CELSR1: variants seen among roughly 807,000 people sequenced by gnomAD.
The protein encoded by CELSR1 is cadherin EGF LAG seven-pass G-type receptor 1.
Under a neutral mutation model 249.1 loss-of-function variants are expected in CELSR1, and 110 were observed. The observed-to-expected ratio is 0.44, with a 90% CI of 0.38 to 0.52. The LOEUF is 0.52. Ranked by LOEUF, CELSR1 falls within the 20% of genes least tolerant of loss-of-function variation. The pLI is 0.00. For synonymous variants in CELSR1, 2,113 were observed against 1,900.0 expected, an observed-to-expected ratio of 1.11 and a Z score of -2.92; for missense variants, 4,109 against 4,296.4, an observed-to-expected ratio of 0.96 and a Z score of 1.22.
At chr22:46,491,042 T>C (rs1436403047) in intron 1 of CELSR1, among the ~76,000 whole-genome samples, 1 of 151,864 alleles carries the variant, frequency 6.6e-6, no homozygotes, top group African/African-American at 2.4e-5. Context: ...CCCCCCAACA[T>C]CCATGCTCGC....
chr22:46,389,626 A>G, intron 17 of CELSR1, 127 bp from the exon 18 acceptor site: 1 of 1,070,612 alleles, frequency 9.3e-7, no homozygotes, highest in African/African-American at 1.6e-5. Context: ...TAAAAAATCC[A>G]AAAGCCTGGC....
chr22:46,456,616 T>C (rs1386388970), intron 2 of CELSR1, among the ~76,000 whole-genome samples: 1 of 141,056 alleles, frequency 7.1e-6, no homozygotes, highest in Non-Finnish European at 1.5e-5. Context: ...TGAGCCGAGA[T>C]TGTGCCGCTG....
intron 11 of CELSR1, 41 bp from the exon 12 acceptor site, chr22:46,397,889 A>G: frequency 6.8e-7 from 1 of 1,472,308 alleles, no homozygotes; most frequent in South Asian, 1.5e-5. Flanking sequence ...GGAGCCCGGA[A>G]AGGTATGTAG....
rs1478987281 is a variant in CELSR1, at chr22:46,454,800, C to T, written c.4183+8907G>A. 2.6e-5 allele frequency among the ~76,000 whole-genome samples: 4 copies of T among 152,234 alleles called. No homozygotes were observed. Among genetic ancestry groups the T allele is most frequent in the African/African-American group, 4.8e-5 (2 of 41,470 alleles). On this transcript the variant is annotated intron_variant, in intron 2 of 34. Coordinates refer to ENST00000674500, the MANE Select transcript of CELSR1 (RefSeq NM_001378328.1). The surrounding 1 kb of genome is among the most constrained non-coding windows in gnomAD (Gnocchi z 5.1). ...ACGCGACAGGCAGGCCAGTGAGAAG[C>T]GCCAACAGCCCTGGTTCCCAAACTC...
In CELSR1 at chr22:46,364,617, G is replaced by A. The variant is rs1384779175; in HGVS notation, c.8674C>T (p.Leu2892=). ...TGACTGCCCTGCTCCTCGCGGTGCAGCTCCACGCTGACCTTGGTCTCCACC... is the reference window on the plus strand; with the variant it reads ...TGACTGCCCTGCTCCTCGCGGTGCAACTCCACGCTGACCTTGGTCTCCACC... The part of the protein sequence containing the change: ...LKVETKVSVE[L]HREEQGSHRG... The change falls in exon 33 of 35, where the codon CTG becomes TTG. Residue 2892 remains leucine, a synonymous_variant. Transcript: ENST00000674500. 6.2e-7 allele frequency: 1 copy of A among 1,612,698 alleles called. No individual in the cohort carries two copies. The highest frequency in any genetic ancestry group is 2.2e-5 in the East Asian group (1 of 44,874).
In CELSR1 at chr22:46,423,839, G is replaced by C. The variant is rs1172425575; in HGVS notation, c.4611+9554C>G. 6.6e-6 allele frequency among the ~76,000 whole-genome samples: 1 copy of C among 151,924 alleles called. No homozygotes were observed. Among genetic ancestry groups the C allele is most frequent in the Non-Finnish European group, 1.5e-5 (1 of 67,992 alleles). On this transcript the variant is annotated intron_variant, in intron 5 of 34. Coordinates refer to ENST00000674500, the MANE Select transcript of CELSR1 (RefSeq NM_001378328.1). The surrounding 1 kb of genome is among the most constrained non-coding windows in gnomAD (Gnocchi z 5.6). ...ATACCAAAATTAGCCAGGCGTGGTGGTGGTGCGCACCTGTAATCCCAGCTA... is the reference window on the plus strand; with the variant it reads ...ATACCAAAATTAGCCAGGCGTGGTGCTGGTGCGCACCTGTAATCCCAGCTA...
chr22:46,502,177 C>T (rs905290231), intron 1 of CELSR1, among the ~76,000 whole-genome samples: 49 of 150,686 alleles, frequency 3.3e-4, no homozygotes, highest in African/African-American at 1.1e-3. Flanking sequence ...GTGGGAGGAT[C>T]ACTTGAGCCC....
At position 46,363,073 on chromosome 22, in the gene CELSR1, TG is replaced by T. The variant is rs2147146897; in HGVS notation, c.*149del. ...ATGATCAGTCGGGGGGCTGCCACCA[TG>T]GGGACCGCCACACTCTGGGCCCACT... On this transcript the variant is annotated 3_prime_UTR_variant, in exon 35 of 35. Transcript: ENST00000674500. The surrounding 1 kb of genome is among the most constrained non-coding windows in gnomAD (Gnocchi z 4.3). 7 of 1,528,108 alleles carry T rather than the reference TG, an allele frequency of 4.6e-6. No homozygotes were observed. The East Asian group carries it at 1.6e-4, about 35-fold the overall frequency. 94.7% of individuals were successfully genotyped at this position (1,528,108 alleles called of 1,614,324 possible). A position where few individuals can be genotyped will look rare whatever the true frequency, so the allele number is the denominator to read the frequency against.
In CELSR1 at chr22:46,454,118, T is replaced by C. The variant is rs1009612927; in HGVS notation, c.4183+9589A>G. Among the ~76,000 whole-genome samples, 1 of 152,018 alleles carries C rather than the reference T, an allele frequency of 6.6e-6. No individual in the cohort carries two copies. The highest frequency in any genetic ancestry group is 2.4e-5 in the African/African-American group (1 of 41,388). The stretch of plus-strand genomic sequence containing the variant: ...TGGGAGGGTGAGGGGCAGAAGGTGC[T>C]AGTGGTGGAAGCAGGGGTCGGAGTG... On this transcript the variant is annotated intron_variant, in intron 2 of 34. Coordinates refer to ENST00000674500, the MANE Select transcript of CELSR1 (RefSeq NM_001378328.1). The surrounding 1 kb of genome is among the most constrained non-coding windows in gnomAD (Gnocchi z 5.1).
Position 46,411,877 on chromosome 22 carries a change from A to T in CELSR1, c.4612-118T>A, listed in dbSNP as rs1428576485. Reference sequence around the variant, plus strand: ...GCACAGGGTGGGCGGCACGTAGACAAGGGATGAGGAGCCCCCGGCCTTTAG... The same window carrying T: ...GCACAGGGTGGGCGGCACGTAGACATGGGATGAGGAGCCCCCGGCCTTTAG... On this transcript the variant is annotated intron_variant, in intron 5 of 34. Coordinates refer to ENST00000674500, the MANE Select transcript of CELSR1 (RefSeq NM_001378328.1). This position sits in a 1 kb window ranked among gnomAD's most constrained non-coding sequence, Gnocchi z 4.2. 7.8e-7 allele frequency: 1 copy of T among 1,283,386 alleles called. No individual in the cohort carries two copies. Among genetic ancestry groups the T allele is most frequent in the East Asian group, 2.3e-5 (1 of 43,174 alleles). 79.5% of individuals were successfully genotyped at this position (1,283,386 alleles called of 1,614,324 possible).
chr22:46,403,971 C>CAAA (rs756055741), intron 9 of CELSR1, among the ~76,000 whole-genome samples: 4 of 48,374 alleles, frequency 8.3e-5, no homozygotes, highest in South Asian at 7.1e-4. Flanking sequence ...AACTCCGTCT[C>CAAA]AAAAAAAAAA....
intron 1 of CELSR1, among the ~76,000 whole-genome samples, chr22:46,465,507 C>G (rs2080086926): frequency 6.6e-6 from 1 of 152,210 alleles, no homozygotes; most frequent in Non-Finnish European, 1.5e-5. Flanking sequence ...GAGGAAGTGT[C>G]TGGGCCTTTG....
Position 46,439,366 on chromosome 22 carries a change from C to T in CELSR1, c.4229G>A (p.Gly1410Glu). The T allele has an allele frequency of 6.2e-7, 1 of 1,613,958 alleles. No homozygotes were observed. The highest frequency in any genetic ancestry group is 8.5e-7 in the Non-Finnish European group (1 of 1,179,978). The change falls in exon 3 of 35, where the codon GGG (glycine) becomes GAG (glutamate). Residue 1410 changes from glycine to glutamate, a missense_variant. Around this residue, in one of 7 missense-constraint regions of CELSR1, gnomAD observed 453 missense variants for 492.0 expected, o/e 0.92. Transcript: ENST00000674500. Reference sequence around the variant, plus strand: ...GCAGGTGCCCCCGTTCTTGCACACCCCGTTGGCACAGCGGCCTGAGCGGGC... The same window carrying T: ...GCAGGTGCCCCCGTTCTTGCACACCTCGTTGGCACAGCGGCCTGAGCGGGC... Reference protein sequence around the residue: ...VDARSGRCANGVCKNGGTCVN... With the variant: ...VDARSGRCANEVCKNGGTCVN...
chr22:46,372,572 T>TCA (rs1400110786), intron 25 of CELSR1, among the ~76,000 whole-genome samples: 2 of 143,506 alleles, frequency 1.4e-5, no homozygotes, highest in East Asian at 2.2e-4. Flanking sequence ...ACTCATGCAC[T>TCA]CACTCGCTCT....
At chr22:46,470,133 G>T (rs1472785144) in intron 1 of CELSR1, among the ~76,000 whole-genome samples, 3 of 148,106 alleles carry the variant, frequency 2.0e-5, no homozygotes, top group Non-Finnish European at 4.5e-5. Context: ...TTTTTTTAGG[G>T]TCCACTACAA....
chr22:46,410,869 G>C lies in CELSR1; in HGVS notation c.4770-308C>G, dbSNP rs2079326535. Reference sequence around the variant, plus strand: ...GTGAGCGCAGGGAGCACAGGTCAAGGCCAGCAGGGACTATACTTTACCCTT... The same window carrying C: ...GTGAGCGCAGGGAGCACAGGTCAAGCCCAGCAGGGACTATACTTTACCCTT... On this transcript the variant is annotated intron_variant, in intron 6 of 34. Transcript: ENST00000674500. The surrounding 1 kb of genome is among the most constrained non-coding windows in gnomAD (Gnocchi z 6.8). 6.6e-6 allele frequency among the ~76,000 whole-genome samples: 1 copy of C among 151,616 alleles called. No individual in the cohort carries two copies. The highest frequency in any genetic ancestry group is 1.5e-5 in the Non-Finnish European group (1 of 67,976).
At chr22:46,397,301 T>C (rs1000392233) in intron 12 of CELSR1, among the ~76,000 whole-genome samples, 41 of 130,082 alleles carry the variant, frequency 3.2e-4, no homozygotes, top group Non-Finnish European at 5.2e-4. Context: ...TTTTTTTTTT[T>C]CGTAGAGATG....
intron 24 of CELSR1, among the ~76,000 whole-genome samples, chr22:46,375,156 G>A (rs1385573188): frequency 2.0e-5 from 3 of 152,268 alleles, no homozygotes; most frequent in African/African-American, 7.2e-5. Flanking sequence ...TGAGCAGCTC[G>A]CCGGAAGGTT....
At position 46,533,819 on chromosome 22, in the gene CELSR1, T is replaced by C; in HGVS notation, c.3352A>G (p.Ser1118Gly). ...FNNYVTNKSN[S>G]FPTGVIGCIP... Reference sequence around the variant, plus strand: ...CAGCCGATCACGCCGGTGGGGAAACTGTTGGACTTGTTGGTGACATAGTTG... The same window carrying C: ...CAGCCGATCACGCCGGTGGGGAAACCGTTGGACTTGTTGGTGACATAGTTG... Residue 1118 changes from serine to glycine, a missense_variant, in exon 1 of 35, where the codon AGT becomes GGT. This residue lies in a region of CELSR1 where 886 missense variants were observed against 896.5 expected (regional missense o/e 0.99). Coordinates refer to ENST00000674500, the MANE Select transcript of CELSR1 (RefSeq NM_001378328.1). 6 of 1,613,842 alleles carry C rather than the reference T, an allele frequency of 3.7e-6. No homozygotes were observed. Among genetic ancestry groups the C allele is most frequent in the South Asian group, 2.2e-5 (2 of 91,086 alleles).
Sources: gnomAD v4.1 joint callset for allele counts (sites outside exome capture counted in the v4.1 genomes callset) on GRCh38, gnomAD v4.1.1 for gene constraint, gnomAD v4.1.1 regional missense constraint, Gnocchi (gnomAD v3.1) non-coding constraint, MANE v1.5 for transcripts, NCBI Gene and HGNC (gene_info 2026-07-23, HGNC 2026-07-21) for gene names.